Variants in ZC3H18 observed in about 807,000 individuals in gnomAD.
The protein encoded by ZC3H18 is zinc finger CCCH domain-containing protein 18.
In ZC3H18, 8 loss-of-function variants were observed where a neutral mutation model predicts 106.1. The ratio of observed to expected loss-of-function variants is 0.08; its 90% CI spans 0.04 to 0.14. The LOEUF is 0.14. ZC3H18 is among the 10% of genes least tolerant of loss of function. The probability of loss-of-function intolerance (pLI) is 1.00; values close to 1 mark genes in which losing one functional copy is unlikely to be tolerated. For synonymous variants in ZC3H18, 635 were observed against 522.1 expected, an observed-to-expected ratio of 1.22 and a Z score of -2.95; for missense variants, 1,318 against 1,278.4, an observed-to-expected ratio of 1.03 and a Z score of -0.47.
intron 1 of ZC3H18, among the ~76,000 whole-genome samples, chr16:88,574,250 C>T (rs1279297084): frequency 6.6e-6 from 1 of 152,002 alleles, no homozygotes; most frequent in African/African-American, 2.4e-5. Context: ...TTAGCCACCA[C>T]CTAGGCTGGA....
chr16:88,622,344 T>G lies in ZC3H18; in HGVS notation c.1623T>G (p.Arg541=). 1 of 1,613,242 alleles carries G rather than the reference T, an allele frequency of 6.2e-7. No individual in the cohort carries two copies. Among genetic ancestry groups the G allele is most frequent in the African/African-American group, 1.3e-5 (1 of 74,988 alleles). ...TCTCCCCGAGCCGGGCTCGAAGGCG[T>G]CGGAAAACATCAGCCTCGTCAGCCT... The part of the protein sequence containing the change: ...VSVSPSRARR[R]RKTSASSASA... Residue 541 remains arginine, a synonymous_variant, in exon 9 of 18, where the codon CGT becomes CGG. Coordinates refer to ENST00000301011, the MANE Select transcript of ZC3H18 (RefSeq NM_144604.4).
chr16:88,625,556 C>T (rs373490934), intron 13 of ZC3H18: 4 of 436,434 alleles, frequency 9.2e-6, no homozygotes, highest in African/African-American at 8.0e-5. Flanking sequence ...TGCCCAGCAC[C>T]CTGAGAGAGC....
At chr16:88,576,987 T>A in intron 1 of ZC3H18, 123 bp from the exon 2 acceptor site, 1 of 937,702 alleles carries the variant, frequency 1.1e-6, no homozygotes, top group Non-Finnish European at 1.5e-6. Flanking sequence ...AGTGTGGGAT[T>A]TGGGGCAGGG....
chr16:88,619,228 C>A (rs904840982), intron 8 of ZC3H18, among the ~76,000 whole-genome samples: 1 of 151,992 alleles, frequency 6.6e-6, no homozygotes, highest in African/African-American at 2.4e-5. Flanking sequence ...GAGCCAAGAT[C>A]GCACCACCGT....
intron 12 of ZC3H18, among the ~76,000 whole-genome samples, chr16:88,624,991 C>T (rs1363097038): frequency 6.6e-6 from 1 of 152,190 alleles, no homozygotes; most frequent in African/African-American, 2.4e-5. Context: ...CGCCATGGCC[C>T]CGTCTGCACT....
intron 1 of ZC3H18, among the ~76,000 whole-genome samples, chr16:88,576,121 C>T (rs1567574528): frequency 2.0e-5 from 3 of 152,096 alleles, no homozygotes; most frequent in African/African-American, 7.2e-5. Flanking sequence ...AGGATGGTCT[C>T]GATCTCCTGA....
At chr16:88,594,272 T>C (rs148074312) in intron 3 of ZC3H18, among the ~76,000 whole-genome samples, 46 of 152,320 alleles carry the variant, frequency 3.0e-4, no homozygotes, top group African/African-American at 1.1e-3. Context: ...TGTTACTATA[T>C]ATTGGATATC....
chr16:88,620,173 T>C (rs1268771463), intron 8 of ZC3H18, among the ~76,000 whole-genome samples: 1 of 152,240 alleles, frequency 6.6e-6, no homozygotes, highest in Non-Finnish European at 1.5e-5. Context: ...TTGATGGTTT[T>C]GGTGGTTTCA....
chr16:88,586,726 C>T, intron 3 of ZC3H18, 42 bp downstream of exon 3: 1 of 1,563,614 alleles, frequency 6.4e-7, no homozygotes, highest in Non-Finnish European at 8.8e-7. Context: ...CCAGCTGGGG[C>T]CCCACCTTCT....
At chr16:88,598,370 G>A (rs759002589) in intron 4 of ZC3H18, 44 bp downstream of exon 4, 1 of 1,566,644 alleles carries the variant, frequency 6.4e-7, no homozygotes, top group Non-Finnish European at 8.6e-7. Context: ...TCAGCCAACT[G>A]AGCTGTGTCT....
intron 3 of ZC3H18, among the ~76,000 whole-genome samples, 153 bp from the exon 4 acceptor site, chr16:88,598,025 G>A (rs375594936): frequency 2.0e-5 from 3 of 151,860 alleles, no homozygotes; most frequent in South Asian, 2.1e-4. Context: ...GGCTCATCCC[G>A]CCCACCTCCC....
chr16:88,628,852 G>C lies in ZC3H18; in HGVS notation c.2564G>C (p.Arg855Pro). Reference protein sequence around the residue: ...PAKRPNTSPDRGSRDRKSGGR... With the variant: ...PAKRPNTSPDPGSRDRKSGGR... ...AAGCGGCCCAACACATCCCCAGACC[G>C]AGGTGAGCCTCCCAGCCCCTAGGGG... Residue 855 changes from arginine (R) to proline (P), a missense_variant and splice_region_variant, in exon 16 of 18, where the codon CGA becomes CCA. Transcript: ENST00000301011. The C allele has an allele frequency of 1.2e-6, 2 of 1,614,026 alleles. No homozygotes were observed. The highest frequency in any genetic ancestry group is 1.7e-4 in the Middle Eastern group (1 of 6,058).
Position 88,623,694 on chromosome 16 carries a change from C to G in ZC3H18, c.1794-264C>G, listed in dbSNP as rs114979256. ...GCTGCCCCACTGCCAAGGAGCCTGT[C>G]TCCTCCTGTCCTGCACACACATGAA... is the stretch of plus-strand genomic sequence containing the variant. On this transcript the variant is annotated intron_variant, in intron 10 of 17. Transcript: ENST00000301011. 745 of 590,270 alleles carry G rather than the reference C, an allele frequency of 1.3e-3. 12 individuals carry two copies. The highest frequency in any genetic ancestry group is 0.012 in the African/African-American group (669 of 53,744). 36.6% of individuals were successfully genotyped at this position (590,270 alleles called of 1,614,324 possible).
chr16:88,570,939 C>T (rs1206853640), intron 1 of ZC3H18, among the ~76,000 whole-genome samples: 1 of 152,260 alleles, frequency 6.6e-6, no homozygotes, highest in Non-Finnish European at 1.5e-5. Context: ...AGATTCACCT[C>T]CAGAGTAGGT....
intron 9 of ZC3H18, chr16:88,622,835 C>G (rs900762376): frequency 6.5e-6 from 2 of 305,396 alleles, no homozygotes; most frequent in Non-Finnish European, 1.2e-5. Context: ...TAGACCCCAT[C>G]ATGCTCGGCA....
chr16:88,599,964 G>A lies in ZC3H18; in HGVS notation c.1088+16G>A. On this transcript the variant is annotated intron_variant, in intron 6 of 17. Coordinates refer to ENST00000301011, the MANE Select transcript of ZC3H18 (RefSeq NM_144604.4). ...GAGACACAGTGTAAGGAATGGCCCTGCCTGCCCCTCCGTTTCCTTCCTGCA... is the reference window on the plus strand; with the variant it reads ...GAGACACAGTGTAAGGAATGGCCCTACCTGCCCCTCCGTTTCCTTCCTGCA... 1 of 1,612,494 alleles carries A rather than the reference G, an allele frequency of 6.2e-7. No homozygotes were observed. The highest frequency in any genetic ancestry group is 8.5e-7 in the Non-Finnish European group (1 of 1,178,996).
intron 8 of ZC3H18, among the ~76,000 whole-genome samples, chr16:88,612,679 TAA>T (rs547206179): frequency 1.2e-4 from 16 of 131,982 alleles, no homozygotes; most frequent in Admixed American, 1.5e-4. Context: ...ACCCTGTATC[TAA>T]AAAAAAAAAA....
intron 11 of ZC3H18, 129 bp from the exon 12 acceptor site, chr16:88,624,473 C>G: frequency 8.2e-7 from 1 of 1,222,052 alleles, no homozygotes; most frequent in Non-Finnish European, 1.1e-6. Flanking sequence ...TGTCCAGGCA[C>G]GAGCGTGCTC....
chr16:88,603,711 C>T (rs1904867480), intron 6 of ZC3H18, among the ~76,000 whole-genome samples: 1 of 150,922 alleles, frequency 6.6e-6, no homozygotes, highest in East Asian at 2.0e-4. Flanking sequence ...CAAGCTCTGC[C>T]TCCTGGGTTC....
Sources: gnomAD v4.1 joint callset for allele counts (sites outside exome capture counted in the v4.1 genomes callset) on GRCh38, gnomAD v4.1.1 for gene constraint, MANE v1.5 for transcripts, NCBI Gene and HGNC (gene_info 2026-07-23, HGNC 2026-07-21) for gene names.